Variants in ANAPC16 observed in about 807,000 individuals in gnomAD.
ANAPC16 encodes anaphase promoting complex subunit 16, also known as anaphase-promoting complex subunit 16.
In ANAPC16, 6 loss-of-function variants were observed where a neutral mutation model predicts 13.1. The observed-to-expected ratio is 0.46, with a 90% CI of 0.25 to 0.90. ANAPC16 has a LOEUF of 0.90. Among genes scored for constraint, ANAPC16 ranks in the 40% least tolerant of loss-of-function variants. The pLI is 0.18. For missense variants in ANAPC16, 113 were observed against 131.1 expected (o/e 0.86, Z 0.67); for synonymous variants, 55 against 51.3 (o/e 1.07, Z -0.31).
At chr10:72,217,331 C>CA (rs1413113766) in intron 1 of ANAPC16, among the ~76,000 whole-genome samples, 2 of 151,842 alleles carry the variant, frequency 1.3e-5, no homozygotes, top group Admixed American at 6.6e-5. Context: ...AAAAATTAGC[C>CA]GGGTGTGGTG....
intron 1 of ANAPC16, chr10:72,220,221 C>G (rs548727926): frequency 1.4e-3 from 210 of 148,862 alleles, no homozygotes; most frequent in Non-Finnish European, 2.3e-3. Flanking sequence ...CCCAGCTACT[C>G]GGGAGGCTGA....
chr10:72,220,018 TC>T (rs1859843151), intron 1 of ANAPC16: 1 of 152,158 alleles, frequency 6.6e-6, no homozygotes, highest in East Asian at 1.9e-4. Context: ...GTATTTCATT[TC>T]CTCACTTTTT....
intron 2 of ANAPC16, among the ~76,000 whole-genome samples, chr10:72,224,851 C>T (rs889439425): frequency 2.0e-5 from 3 of 152,106 alleles, no homozygotes; most frequent in Non-Finnish European, 4.4e-5. Flanking sequence ...AGCATGATGC[C>T]GTGTGGTTCT....
chr10:72,231,622 T>G (rs1820352633), intron 3 of ANAPC16, among the ~76,000 whole-genome samples: 1 of 152,146 alleles, frequency 6.6e-6, no homozygotes, highest in South Asian at 2.1e-4. Flanking sequence ...AATGGCATGA[T>G]CGCGGCTCAC....
intron 2 of ANAPC16, among the ~76,000 whole-genome samples, chr10:72,224,485 C>T (rs1232677728): frequency 6.6e-6 from 1 of 151,820 alleles, no homozygotes; most frequent in Non-Finnish European, 1.5e-5. Context: ...TGGTGGTAGG[C>T]GCCTGTAATC....
At chr10:72,232,891 A>G (rs1442291546) in intron 3 of ANAPC16, 110 bp from the exon 4 acceptor site, 3 of 876,382 alleles carry the variant, frequency 3.4e-6, no homozygotes, top group Non-Finnish European at 5.4e-6. Flanking sequence ...GGCGTGATCC[A>G]CCACACCCGG....
chr10:72,222,951 T>A (rs1314040023), intron 1 of ANAPC16, among the ~76,000 whole-genome samples: 2 of 152,192 alleles, frequency 1.3e-5, no homozygotes, highest in Non-Finnish European at 2.9e-5. Flanking sequence ...GAAATAGGAT[T>A]AAACACTCAC....
rs1860444835 is a variant in ANAPC16 at position 72,235,497 on chromosome 10, A to G, written c.*2381A>G. The G allele has an allele frequency of 6.6e-6, 1 of 152,224 alleles. No individual in the cohort carries two copies. Among genetic ancestry groups the G allele is most frequent in the African/African-American group, 2.4e-5 (1 of 41,454 alleles). The allele number at this position is 152,224 out of a possible 1,614,324, so 9.4% of individuals were successfully genotyped here. ...AAATAAAAATCAGAGCACAAGAAGT[A>G]CCAGTCCACCAACTCACATTTTCTA... is the stretch of plus-strand genomic sequence containing the variant. On this transcript the variant is annotated 3_prime_UTR_variant, in exon 4 of 4. Transcript: ENST00000299381.
intron 1 of ANAPC16, chr10:72,217,168 C>A: frequency 2.4e-6 from 1 of 410,638 alleles, no homozygotes; most frequent in African/African-American, 2.1e-5. Flanking sequence ...TTCTTAAGAT[C>A]ATTGAACCTT....
intron 2 of ANAPC16, among the ~76,000 whole-genome samples, chr10:72,228,192 T>G (rs1174351994): frequency 2.0e-5 from 3 of 152,326 alleles, no homozygotes; most frequent in South Asian, 4.1e-4. Flanking sequence ...CCAAATCACC[T>G]GTAGTTAACC....
intron 1 of ANAPC16, among the ~76,000 whole-genome samples, chr10:72,219,735 T>C (rs183536825): frequency 1.3e-4 from 20 of 152,304 alleles, no homozygotes; most frequent in Admixed American, 5.2e-4. Flanking sequence ...ACACTCTGTC[T>C]CCAAACAAAA....
intron 2 of ANAPC16, 115 bp from the exon 3 acceptor site, chr10:72,230,251 T>G (rs1860253871): frequency 1.5e-5 from 11 of 714,554 alleles, no homozygotes. Context: ...TTGTAAACAC[T>G]GAGAACTAGA....
intron 2 of ANAPC16, among the ~76,000 whole-genome samples, chr10:72,228,020 G>A (rs1361449675): frequency 2.7e-5 from 4 of 146,302 alleles, no homozygotes; most frequent in African/African-American, 1.1e-4. Context: ...GACAGAGCGA[G>A]ACTTGGTTTA....
chr10:72,221,636 TC>T, intron 1 of ANAPC16, among the ~76,000 whole-genome samples: 1 of 133,366 alleles, frequency 7.5e-6, no homozygotes, highest in East Asian at 2.5e-4. Flanking sequence ...CACTGCAACC[TC>T]CGCCTCCCAG....
intron 3 of ANAPC16, among the ~76,000 whole-genome samples, chr10:72,231,301 G>C (rs773396304): frequency 2.0e-5 from 3 of 152,156 alleles, no homozygotes; most frequent in Non-Finnish European, 4.4e-5. Flanking sequence ...ACGTTGGGAG[G>C]CTGAAGCAGG....
intron 2 of ANAPC16, among the ~76,000 whole-genome samples, chr10:72,225,918 A>C (rs1027628695): frequency 3.3e-5 from 5 of 151,994 alleles, no homozygotes; most frequent in Non-Finnish European, 7.4e-5. Flanking sequence ...AAAGCAAAAA[A>C]AAAGCTTTGG....
At position 72,235,418 on chromosome 10, in the gene ANAPC16, C is replaced by T. The variant is rs1423015348; in HGVS notation, c.*2302C>T. On this transcript the variant is annotated 3_prime_UTR_variant, in exon 4 of 4. Transcript: ENST00000299381. Reference sequence around the variant, plus strand: ...AGTGAGTGGAGATCGTGCCTGTGTGCTCCAGCCTGAGCAACAAGAGCGAAA... The same window carrying T: ...AGTGAGTGGAGATCGTGCCTGTGTGTTCCAGCCTGAGCAACAAGAGCGAAA... 2 of 152,120 alleles carry T rather than the reference C, an allele frequency of 1.3e-5. No individual in the cohort carries two copies. Among genetic ancestry groups the T allele is most frequent in the African/African-American group, 4.8e-5 (2 of 41,416 alleles). The allele number at this position is 152,120 out of a possible 1,614,324, so 9.4% of individuals were successfully genotyped here.
intron 1 of ANAPC16, among the ~76,000 whole-genome samples, chr10:72,221,191 C>A (rs980053074): frequency 6.6e-6 from 1 of 152,220 alleles, no homozygotes; most frequent in Admixed American, 6.5e-5. Flanking sequence ...GCTGGCATTA[C>A]AGGCGTTAGC....
At position 72,233,436 on chromosome 10, in the gene ANAPC16, C is replaced by A. The variant is rs1249532266; in HGVS notation, c.*320C>A. On this transcript the variant is annotated 3_prime_UTR_variant, in exon 4 of 4. Coordinates refer to ENST00000299381, the MANE Select transcript of ANAPC16 (RefSeq NM_173473.4). ...TAGGGCATATATCAGATTTGGCCAA[C>A]TGAATGGCGTCTGTCCTGTCATCCA... The A allele has an allele frequency of 2.5e-5, 6 of 239,824 alleles. No individual in the cohort carries two copies. The highest frequency in any genetic ancestry group is 1.7e-5 in the Non-Finnish European group (2 of 120,382). 14.9% of individuals were successfully genotyped at this position (239,824 alleles called of 1,614,324 possible). A position where few individuals can be genotyped will look rare whatever the true frequency, so the allele number is the denominator to read the frequency against.
Sources: gnomAD v4.1 joint callset for allele counts (sites outside exome capture counted in the v4.1 genomes callset) on GRCh38, gnomAD v4.1.1 for gene constraint, MANE v1.5 for transcripts, NCBI Gene and HGNC (gene_info 2026-07-23, HGNC 2026-07-21) for gene names.